The following AGBL3 variants were observed in gnomAD, a reference collection of about 807,000 sequenced individuals.
The protein encoded by AGBL3 is AGBL carboxypeptidase 3.
Under a neutral mutation model 94.5 loss-of-function variants are expected in AGBL3, and 68 were observed. That is an observed-to-expected ratio of 0.72 (90% CI 0.59 to 0.88). AGBL3 has a LOEUF of 0.88. Ranked by LOEUF, AGBL3 falls within the 40% of genes least tolerant of loss-of-function variation. The pLI, the probability that AGBL3 is intolerant of heterozygous loss-of-function variation, is 0.00. For synonymous variants in AGBL3, 354 were observed against 370.7 expected, an observed-to-expected ratio of 0.95 and a Z score of 0.52; for missense variants, 934 against 1,103.8, an observed-to-expected ratio of 0.85 and a Z score of 2.18.
chr7:135,052,291 C>G (rs777205406), intron 11 of AGBL3, among the ~76,000 whole-genome samples: 10 of 152,144 alleles, frequency 6.6e-5, no homozygotes, highest in Non-Finnish European at 1.2e-4. Context: ...CTCTGGAAAT[C>G]ACTGTAGATT....
At chr7:135,006,575 A>G (rs1812414869) in intron 4 of AGBL3, among the ~76,000 whole-genome samples, 1 of 151,936 alleles carries the variant, frequency 6.6e-6, no homozygotes, top group South Asian at 2.1e-4. Flanking sequence ...TATCCTGGCA[A>G]TTACTTAACA....
intron 15 of AGBL3, among the ~76,000 whole-genome samples, chr7:135,083,980 A>G (rs1311050109): frequency 6.6e-6 from 1 of 152,218 alleles, no homozygotes; most frequent in Non-Finnish European, 1.5e-5. Flanking sequence ...TGGGGGCCAC[A>G]GTGAAAATCG....
At chr7:135,109,581 G>A (rs1358801132) in intron 15 of AGBL3, among the ~76,000 whole-genome samples, 4 of 152,210 alleles carry the variant, frequency 2.6e-5, no homozygotes, top group Admixed American at 1.3e-4. Flanking sequence ...AATGAAGGTC[G>A]TGAAACAGCA....
At chr7:135,050,524 T>G (rs776951786) in intron 11 of AGBL3, among the ~76,000 whole-genome samples, 3 of 146,870 alleles carry the variant, frequency 2.0e-5, no homozygotes, top group Non-Finnish European at 4.5e-5. Flanking sequence ...TCTTCGGTTC[T>G]ATCAATGTTT....
intron 4 of AGBL3, chr7:135,011,715 A>G (rs926206689): frequency 2.0e-5 from 3 of 152,192 alleles, no homozygotes; most frequent in African/African-American, 7.2e-5. Context: ...CTGATTGTTA[A>G]TGAGGCTGAG....
chr7:135,008,077 T>C (rs1812617444), intron 4 of AGBL3, among the ~76,000 whole-genome samples: 1 of 152,048 alleles, frequency 6.6e-6, no homozygotes, highest in African/African-American at 2.4e-5. Context: ...AATCTACAGA[T>C]TGAATGCAAT....
At chr7:135,112,936 C>T (rs957656425) in intron 15 of AGBL3, among the ~76,000 whole-genome samples, 3 of 152,138 alleles carry the variant, frequency 2.0e-5, no homozygotes, top group African/African-American at 7.2e-5. Context: ...GCCACCATGC[C>T]GACTTAATTT....
intron 3 of AGBL3, among the ~76,000 whole-genome samples, chr7:134,992,271 C>A (rs1182574725): frequency 2.0e-5 from 3 of 152,126 alleles, no homozygotes; most frequent in African/African-American, 4.8e-5. Flanking sequence ...AGAGTGTGTC[C>A]AGCCACAACA....
At chr7:135,002,170 T>C (rs1403064116) in intron 4 of AGBL3, among the ~76,000 whole-genome samples, 1 of 152,150 alleles carries the variant, frequency 6.6e-6, no homozygotes, top group Admixed American at 6.6e-5. Flanking sequence ...GGTTCAATGA[T>C]TCATTAAAAG....
chr7:135,019,993 T>C (rs1444036040), intron 5 of AGBL3, among the ~76,000 whole-genome samples: 2 of 152,158 alleles, frequency 1.3e-5, no homozygotes, highest in Non-Finnish European at 2.9e-5. Flanking sequence ...ATTCAGGACA[T>C]AGGCATGGGC....
At chr7:135,003,758 T>G (rs999498044) in intron 4 of AGBL3, among the ~76,000 whole-genome samples, 5 of 151,578 alleles carry the variant, frequency 3.3e-5, no homozygotes, top group Admixed American at 2.6e-4. Context: ...TCAAATAGAA[T>G]ATTTACTATT....
intron 4 of AGBL3, among the ~76,000 whole-genome samples, chr7:134,998,306 T>G (rs2133394910): frequency 6.6e-6 from 1 of 152,294 alleles, no homozygotes; most frequent in East Asian, 1.9e-4. Context: ...CTTCTAAGAG[T>G]AAGGCTAGTC....
At chr7:135,064,536 G>A (rs1012481749) in intron 12 of AGBL3, among the ~76,000 whole-genome samples, 1 of 152,328 alleles carries the variant, frequency 6.6e-6, no homozygotes, top group South Asian at 2.1e-4. Context: ...CAAGATAAAA[G>A]TGGTGGCTGC....
chr7:135,039,796 A>G (rs1816672576), intron 8 of AGBL3, among the ~76,000 whole-genome samples: 2 of 151,974 alleles, frequency 1.3e-5, no homozygotes, highest in South Asian at 4.2e-4. Flanking sequence ...AGAATAGAAA[A>G]AGAAGAGTAA....
rs143958877 is a variant in AGBL3, at chr7:135,035,273, A to G, written c.1337+345A>G. On this transcript the variant is annotated intron_variant, in intron 7 of 16. Coordinates refer to ENST00000436302, the MANE Select transcript of AGBL3 (RefSeq NM_178563.4). ...TTTAAAATAATTTTTTTATAAATAT[A>G]TATATTTTATATACATGAAACCGTT... is the stretch of plus-strand genomic sequence containing the variant. Among the ~76,000 whole-genome samples, 418 of 151,842 alleles carry G rather than the reference A, an allele frequency of 2.8e-3. 1 individual carries two copies. Among genetic ancestry groups the G allele is most frequent in the African/African-American group, 9.7e-3 (402 of 41,530 alleles).
chr7:135,019,685 C>G (rs1170775853), intron 5 of AGBL3, among the ~76,000 whole-genome samples: 1 of 152,130 alleles, frequency 6.6e-6, no homozygotes, highest in Non-Finnish European at 1.5e-5. Context: ...GCTACAGTAA[C>G]CAAAACAGCA....
In AGBL3 at chr7:135,095,217, G is replaced by C. The variant is rs143716835; in HGVS notation, c.2110+13427G>C. Among the ~76,000 whole-genome samples the C allele has an allele frequency of 1.0e-2, 1,516 of 152,202 alleles. 25 individuals carry two copies. The highest frequency in any genetic ancestry group is 0.035 in the African/African-American group (1,446 of 41,510). On this transcript the variant is annotated intron_variant, in intron 15 of 16. Coordinates refer to ENST00000436302, the MANE Select transcript of AGBL3 (RefSeq NM_178563.4). Reference sequence around the variant, plus strand: ...AGAAAAGCTAAGAAACACTTATTAAGGTCATAGCCCAGGAACACAGGCCCA... The same window carrying C: ...AGAAAAGCTAAGAAACACTTATTAACGTCATAGCCCAGGAACACAGGCCCA...
In AGBL3 at chr7:135,045,780, A is replaced by G. The variant is rs1459673045; in HGVS notation, c.1729-19A>G. On this transcript the variant is annotated intron_variant, in intron 10 of 16. Transcript: ENST00000436302. ...AATAAAGTTATTTCATAATGAGCTC[A>G]TTTATTACTTTTGCCTAGTATTATC... 1 of 1,489,962 alleles carries G rather than the reference A, an allele frequency of 6.7e-7. No individual in the cohort carries two copies. The highest frequency in any genetic ancestry group is 9.1e-7 in the Non-Finnish European group (1 of 1,096,144). The allele number at this position is 1,489,962 out of a possible 1,614,324, so 92.3% of individuals were successfully genotyped here.
At chr7:135,007,086 A>C (rs149087833) in intron 4 of AGBL3, among the ~76,000 whole-genome samples, 4 of 151,946 alleles carry the variant, frequency 2.6e-5, no homozygotes, top group South Asian at 2.1e-4. Flanking sequence ...TTCATTGCTG[A>C]ATTCTTCCAA....
Sources: allele counts gnomAD v4.1 joint callset (sites outside exome capture counted in the v4.1 genomes callset), GRCh38; gene constraint gnomAD v4.1.1; transcripts MANE v1.5; gene names NCBI Gene and HGNC (gene_info 2026-07-23, HGNC 2026-07-21).